The following POU2AF1 variants were observed in gnomAD, a reference collection of about 807,000 sequenced individuals.
POU2AF1 encodes POU class 2 homeobox associating factor 1, also known as POU domain class 2-associating factor 1.
A neutral mutation model predicts 26.3 loss-of-function variants in POU2AF1; 12 were observed. The ratio of observed to expected loss-of-function variants is 0.46; its 90% CI spans 0.29 to 0.74. The LOEUF (loss-of-function observed/expected upper bound fraction) is 0.74, where lower values mean the gene tolerates loss of function less well. Ranked by LOEUF, POU2AF1 falls within the 30% of genes least tolerant of loss-of-function variation. The pLI, the probability that POU2AF1 is intolerant of heterozygous loss-of-function variation, is 0.09. For synonymous variants in POU2AF1, 175 were observed against 148.0 expected, an observed-to-expected ratio of 1.18 and a Z score of -1.32; for missense variants, 297 against 334.5, an observed-to-expected ratio of 0.89 and a Z score of 0.87.
At chr11:111,366,295 A>T (rs1367371689) in intron 1 of POU2AF1, among the ~76,000 whole-genome samples, 1 of 152,244 alleles carries the variant, frequency 6.6e-6, no homozygotes, top group Non-Finnish European at 1.5e-5. Context: ...CACATCACTC[A>T]TATATCCTGC....
intron 1 of POU2AF1, among the ~76,000 whole-genome samples, chr11:111,366,119 TGAC>T (rs1272759108): frequency 1.3e-5 from 2 of 152,238 alleles, no homozygotes; most frequent in East Asian, 3.8e-4. Flanking sequence ...AGGTTGGACT[TGAC>T]ACACTACAGA....
chr11:111,358,149 A>G (rs991122541), intron 2 of POU2AF1, among the ~76,000 whole-genome samples: 1 of 152,048 alleles, frequency 6.6e-6, no homozygotes, highest in South Asian at 2.1e-4. Context: ...TCGGTGGGCC[A>G]GCTGAGCCGG....
At chr11:111,370,179 A>G (rs1824586957) in intron 1 of POU2AF1, among the ~76,000 whole-genome samples, 2 of 152,226 alleles carry the variant, frequency 1.3e-5, no homozygotes, top group South Asian at 2.1e-4. Flanking sequence ...CAGCTGGTCA[A>G]GAGGAGCTTT....
chr11:111,354,162 A>G lies in POU2AF1; in HGVS notation c.*99T>C. ...CTAGCTGTGCGTAGAAAGTGTAGTC[A>G]TGAAATGACTACTCCAAACAAGCAT... On this transcript the variant is annotated 3_prime_UTR_variant, in exon 5 of 5. Transcript: ENST00000393067. 1 of 1,343,910 alleles carries G rather than the reference A, an allele frequency of 7.4e-7. No homozygotes were observed. Among genetic ancestry groups the G allele is most frequent in the South Asian group, 1.3e-5 (1 of 76,780 alleles). 83.2% of individuals were successfully genotyped at this position (1,343,910 alleles called of 1,614,324 possible).
intron 1 of POU2AF1, among the ~76,000 whole-genome samples, chr11:111,361,559 A>C (rs1395937529): frequency 6.6e-6 from 1 of 152,266 alleles, no homozygotes; most frequent in Non-Finnish European, 1.5e-5. Flanking sequence ...GGCATAGGGT[A>C]GATGCTCAAT....
chr11:111,355,835 C>A (rs1860834619), intron 4 of POU2AF1, among the ~76,000 whole-genome samples: 1 of 152,226 alleles, frequency 6.6e-6, no homozygotes, highest in Non-Finnish European at 1.5e-5. Context: ...CACTTCCTCT[C>A]CTTTGACTTA....
chr11:111,355,349 ACGGCG>A (rs1860822551), intron 4 of POU2AF1, among the ~76,000 whole-genome samples: 1 of 152,198 alleles, frequency 6.6e-6, no homozygotes. Context: ...TCTCACCTGC[ACGGCG>A]ACTGCCCTCA....
At chr11:111,358,640 TATC>T in intron 2 of POU2AF1, 145 bp downstream of exon 2, 1 of 992,850 alleles carries the variant, frequency 1.0e-6, no homozygotes, top group Middle Eastern at 3.1e-4. Context: ...TCTCTCACAC[TATC>T]ACACTCTCAC....
intron 1 of POU2AF1, chr11:111,359,873 G>A: frequency 2.0e-6 from 1 of 498,896 alleles, no homozygotes; most frequent in Non-Finnish European, 4.1e-6. Flanking sequence ...AAGACATGCT[G>A]CCATTTGTCT....
At chr11:111,378,687 CA>C (rs1861358875) in intron 1 of POU2AF1, among the ~76,000 whole-genome samples, 1 of 114 alleles carries the variant, frequency 8.8e-3, no homozygotes, top group South Asian at 0.17. Flanking sequence ...GGACAAGTCA[CA>C]CCTGGCAGAA....
chr11:111,354,422 G>A lies in POU2AF1; in HGVS notation c.610C>T (p.Gln204Ter). Residue 204 changes from glutamine (Q) to a stop codon, truncating the protein, a stop_gained, in exon 5 of 5, where the codon CAG becomes TAG. Transcript: ENST00000393067. LOFTEE classifies it high-confidence loss of function. Reference sequence around the variant, plus strand: ...ATAGAGATGGGGAGCTGGACAAACTGGGGCCCAGGTAGGGCTGGGGCCGGA... The same window carrying A: ...ATAGAGATGGGGAGCTGGACAAACTAGGGCCCAGGTAGGGCTGGGGCCGGA... Reference protein sequence around the residue: ...QPPAPALPGPQFVQLPISIPE... With the variant: ...QPPAPALPGP 1 of 1,614,146 alleles carries A rather than the reference G, an allele frequency of 6.2e-7. No homozygotes were observed. The highest frequency in any genetic ancestry group is 1.1e-5 in the South Asian group (1 of 91,070).
intron 1 of POU2AF1, among the ~76,000 whole-genome samples, chr11:111,365,318 G>A (rs1260716483): frequency 6.6e-6 from 1 of 152,182 alleles, no homozygotes; most frequent in Non-Finnish European, 1.5e-5. Flanking sequence ...GGGAGTGGTT[G>A]TTAGTATCAA....
chr11:111,375,720 A>G (rs1216549367), intron 1 of POU2AF1, among the ~76,000 whole-genome samples: 1 of 152,162 alleles, frequency 6.6e-6, no homozygotes, highest in African/African-American at 2.4e-5. Context: ...ATCTTAAGGA[A>G]ATGAATGCCT....
chr11:111,355,163 G>A (rs977595616), intron 4 of POU2AF1, among the ~76,000 whole-genome samples: 1 of 152,150 alleles, frequency 6.6e-6, no homozygotes, highest in African/African-American at 2.4e-5. Context: ...CCCCAGATGG[G>A]GGAAGCACTG....
intron 1 of POU2AF1, among the ~76,000 whole-genome samples, chr11:111,378,931 G>T (rs140374266): frequency 6.6e-6 from 1 of 152,262 alleles, no homozygotes; most frequent in African/African-American, 2.4e-5. Flanking sequence ...TGGAACACTA[G>T]TTCGTTCCCC....
At chr11:111,369,790 G>T (rs914443425) in intron 1 of POU2AF1, among the ~76,000 whole-genome samples, 3 of 152,116 alleles carry the variant, frequency 2.0e-5, no homozygotes, top group Non-Finnish European at 4.4e-5. Flanking sequence ...CCATAGTGAG[G>T]GATGGAGCAG....
At position 111,357,568 on chromosome 11, in the gene POU2AF1, A is replaced by G. The variant is rs150634025; in HGVS notation, c.333T>C (p.His111=). 57 of 1,613,958 alleles carry G rather than the reference A, an allele frequency of 3.5e-5. No individual in the cohort carries two copies. The highest frequency in any genetic ancestry group is 6.7e-5 in the Admixed American group (4 of 59,994). Residue 111 remains histidine, a synonymous_variant, in exon 4 of 5, where the codon CAT becomes CAC. Transcript: ENST00000393067. The part of the protein sequence containing the change: ...PWTPYTEYVP[H]EAVSCPYSAD... ...CTGAGTAGGGGCAGCTGACAGCTTC[A>G]TGGGGCACATACTCGGTGTAAGGTG... is the stretch of plus-strand genomic sequence containing the variant.
intron 1 of POU2AF1, chr11:111,359,922 T>C: frequency 1.9e-6 from 1 of 518,902 alleles, no homozygotes; most frequent in South Asian, 1.4e-5. Flanking sequence ...TTGAGGCAAG[T>C]GGCTCCCAGG....
At chr11:111,372,049 C>CAGAGAGAGAGAGAGAGAG (rs1159443371) in intron 1 of POU2AF1, among the ~76,000 whole-genome samples, 1 of 132,482 alleles carries the variant, frequency 7.5e-6, no homozygotes, top group Non-Finnish European at 1.6e-5. Flanking sequence ...CACACACACA[C>CAGAGAGAGAGAGAGAGAG]ACACACACAC....
Sources: allele counts gnomAD v4.1 joint callset (sites outside exome capture counted in the v4.1 genomes callset), GRCh38; gene constraint gnomAD v4.1.1; transcripts MANE v1.5; gene names NCBI Gene and HGNC (gene_info 2026-07-23, HGNC 2026-07-21).